The following ACTR3C variants were observed in gnomAD, a reference collection of about 807,000 sequenced individuals.
ACTR3C encodes the protein actin-related protein 3C.
In ACTR3C, 18 loss-of-function variants were observed where a neutral mutation model predicts 26.3. The ratio of observed to expected loss-of-function variants is 0.68; its 90% CI spans 0.47 to 1.01. ACTR3C has a LOEUF of 1.01. ACTR3C is among the 50% of genes least tolerant of loss of function. The pLI, the probability that ACTR3C is intolerant of heterozygous loss-of-function variation, is 0.00. For missense variants in ACTR3C, 184 were observed against 250.7 expected, an observed-to-expected ratio of 0.73 and a Z score of 1.80; for synonymous variants, 55 against 94.5, an observed-to-expected ratio of 0.58 and a Z score of 2.42.
the ACTR3C span, among the ~76,000 whole-genome samples, chr7:150,095,478 G>T: frequency 8.6e-5 from 13 of 150,704 alleles, 1 homozygote; most frequent in Admixed American, 6.6e-4. Flanking sequence ...GTGATGAAAG[G>T]TCTCCAAGAT....
At chr7:150,216,196 G>A in the ACTR3C span, among the ~76,000 whole-genome samples, 1 of 151,952 alleles carries the variant, frequency 6.6e-6, no homozygotes, top group African/African-American at 2.4e-5. Flanking sequence ...GATAAAATGG[G>A]GTCTCAAATT....
At chr7:150,216,028 C>T in the ACTR3C span, among the ~76,000 whole-genome samples, 1 of 151,660 alleles carries the variant, frequency 6.6e-6, no homozygotes, top group African/African-American at 2.4e-5. Context: ...GCTTAGTGAA[C>T]TCCTAGCAGG....
the ACTR3C span, among the ~76,000 whole-genome samples, chr7:149,946,727 T>G: frequency 6.6e-6 from 1 of 152,194 alleles, no homozygotes; most frequent in Non-Finnish European, 1.5e-5. Flanking sequence ...AATGGCACAT[T>G]CTTTTTTTCT....
At chr7:150,003,685 G>A in the ACTR3C span, among the ~76,000 whole-genome samples, 1 of 152,178 alleles carries the variant, frequency 6.6e-6, no homozygotes, top group Non-Finnish European at 1.5e-5. Context: ...CAGTGTGTGT[G>A]GTGTGTTTGT....
chr7:149,896,034 C>CAA, the ACTR3C span, among the ~76,000 whole-genome samples: 612 of 82,754 alleles, frequency 7.4e-3, 2 homozygotes, highest in Non-Finnish European at 9.1e-3. Flanking sequence ...CCTGTCTCTA[C>CAA]AAAAAAAAAA....
chr7:150,233,627 ATTCT>A, the ACTR3C span, among the ~76,000 whole-genome samples: 3 of 152,014 alleles, frequency 2.0e-5, no homozygotes, highest in Admixed American at 6.5e-5. Context: ...TATTGAAGAC[ATTCT>A]TTATTTATGT....
chr7:150,039,696 C>A, the ACTR3C span, among the ~76,000 whole-genome samples: 1 of 124,406 alleles, frequency 8.0e-6, no homozygotes, highest in East Asian at 2.8e-4. Flanking sequence ...GGTCCTAAGC[C>A]GGGGGGGAAG....
chr7:149,957,758 C>T, the ACTR3C span, among the ~76,000 whole-genome samples: 2 of 151,154 alleles, frequency 1.3e-5, no homozygotes, highest in Non-Finnish European at 2.9e-5. Flanking sequence ...CTGATAAATC[C>T]CCTCTTATAT....
chr7:149,967,847 G>A, the ACTR3C span, among the ~76,000 whole-genome samples: 1 of 152,116 alleles, frequency 6.6e-6, no homozygotes, highest in African/African-American at 2.4e-5. Context: ...AAGATGGCAT[G>A]TGCGTAGAAA....
chr7:149,995,791 C>T, the ACTR3C span, among the ~76,000 whole-genome samples: 1 of 152,274 alleles, frequency 6.6e-6, no homozygotes, highest in Admixed American at 6.5e-5. Flanking sequence ...AACCACAGCT[C>T]CGTGAGGGGC....
At chr7:150,258,181 C>T (rs1235037260) in intron 6 of ACTR3C, among the ~76,000 whole-genome samples, 1 of 150,072 alleles carries the variant, frequency 6.7e-6, no homozygotes, top group Non-Finnish European at 1.5e-5. Context: ...GTCCAAGTTC[C>T]TGCTCAGTTG....
chr7:150,139,647 G>A, the ACTR3C span, among the ~76,000 whole-genome samples: 1 of 152,252 alleles, frequency 6.6e-6, no homozygotes, highest in African/African-American at 2.4e-5. Context: ...CATAAAAGAA[G>A]GTGTTAGGGA....
intron 1 of ACTR3C, among the ~76,000 whole-genome samples, chr7:150,312,974 G>T (rs1796457219): frequency 6.6e-6 from 1 of 152,130 alleles, no homozygotes; most frequent in East Asian, 1.9e-4. Flanking sequence ...CCAACCTTAT[G>T]ACATTCCACC....
At chr7:150,214,640 TTGAC>T in the ACTR3C span, among the ~76,000 whole-genome samples, 4 of 152,178 alleles carry the variant, frequency 2.6e-5, no homozygotes, top group Admixed American at 1.3e-4. Context: ...GAAAAAAAGT[TTGAC>T]AAGATAATGG....
the ACTR3C span, among the ~76,000 whole-genome samples, chr7:150,216,560 T>C: frequency 1.3e-5 from 2 of 152,228 alleles, no homozygotes; most frequent in African/African-American, 4.8e-5. Flanking sequence ...TGCCCAGCTC[T>C]ATTTGTGTGA....
the ACTR3C span, among the ~76,000 whole-genome samples, chr7:149,992,764 C>T: frequency 3.9e-5 from 6 of 152,272 alleles, no homozygotes; most frequent in Middle Eastern, 3.4e-3. Context: ...GTATATGAAA[C>T]GGAGCTTATT....
chr7:150,318,070 C>T (rs1293033560), intron 1 of ACTR3C, among the ~76,000 whole-genome samples: 8 of 152,106 alleles, frequency 5.3e-5, no homozygotes, highest in Non-Finnish European at 1.2e-4. Context: ...AGGGGCAATT[C>T]TATAATTGTG....
At chr7:150,180,850 G>A in the ACTR3C span, among the ~76,000 whole-genome samples, 1 of 149,542 alleles carries the variant, frequency 6.7e-6, no homozygotes, top group African/African-American at 2.6e-5. Flanking sequence ...TAATTACTAG[G>A]GATGTGAACA....
At chr7:150,216,503 A>G in the ACTR3C span, among the ~76,000 whole-genome samples, 1 of 152,180 alleles carries the variant, frequency 6.6e-6, no homozygotes, top group African/African-American at 2.4e-5. Flanking sequence ...ATCTTCTCAC[A>G]CTAGCCTCCT....
Sources: gnomAD v4.1 joint callset for allele counts (sites outside exome capture counted in the v4.1 genomes callset) on GRCh38, gnomAD v4.1.1 for gene constraint, MANE v1.5 for transcripts, NCBI Gene and HGNC (gene_info 2026-07-23, HGNC 2026-07-21) for gene names.